Variants in AK3 observed in about 807,000 individuals in gnomAD.
AK3 encodes GTP:AMP phosphotransferase AK3, mitochondrial.
AK3 carries 27 observed loss-of-function variants against 23.7 expected under a neutral mutation model. That is an observed-to-expected ratio of 1.14 (90% CI 0.84 to 1.57). AK3 has a LOEUF of 1.57. Ranked by LOEUF, AK3 falls within the 40% of genes most tolerant of loss-of-function variation. The probability of loss-of-function intolerance (pLI) is 0.00; values close to 1 mark genes in which losing one functional copy is unlikely to be tolerated. For missense variants in AK3, 406 were observed against 285.6 expected, an observed-to-expected ratio of 1.42 and a Z score of -3.04; for synonymous variants, 159 against 116.0, an observed-to-expected ratio of 1.37 and a Z score of -2.38.
intron 1 of AK3, among the ~76,000 whole-genome samples, chr9:4,730,406 A>G (rs1446034926): frequency 6.6e-5 from 10 of 151,474 alleles, no homozygotes; most frequent in Admixed American, 6.6e-4. Flanking sequence ...AAAAAAAATA[A>G]AAAAACCACT....
At chr9:4,738,286 C>G (rs1369476972) in intron 1 of AK3, among the ~76,000 whole-genome samples, 1 of 152,154 alleles carries the variant, frequency 6.6e-6, no homozygotes, top group East Asian at 1.9e-4. Context: ...CTGCCTCAGC[C>G]TCCCAAGTAG....
At chr9:4,723,046 G>C (rs1174291164) in intron 1 of AK3, among the ~76,000 whole-genome samples, 1 of 150,294 alleles carries the variant, frequency 6.7e-6, no homozygotes, top group Non-Finnish European at 1.5e-5. Flanking sequence ...ACTTCAGCCT[G>C]GGCAACAGAG....
intron 2 of AK3, among the ~76,000 whole-genome samples, chr9:4,720,904 G>C (rs1388119931): frequency 6.6e-6 from 1 of 152,136 alleles, no homozygotes. Flanking sequence ...TTCCTGGGCA[G>C]CATCACCAGC....
rs530946941 is a variant in AK3 at position 4,709,762 on chromosome 9, T to C, written c.*3214A>G. On this transcript the variant is annotated 3_prime_UTR_variant, in exon 5 of 5. Transcript: ENST00000381809. ...CCATAACTTCCAAGATGAAAATCTTTAACTGCAAAGATAGAAAAGCTATTT... is the reference window on the plus strand; with the variant it reads ...CCATAACTTCCAAGATGAAAATCTTCAACTGCAAAGATAGAAAAGCTATTT... 2.6e-5 allele frequency: 4 copies of C among 152,376 alleles called. No individual in the cohort carries two copies. Among genetic ancestry groups the C allele is most frequent in the Non-Finnish European group, 5.9e-5 (4 of 68,040 alleles). 9.4% of individuals were successfully genotyped at this position (152,376 alleles called of 1,614,324 possible).
chr9:4,714,973 C>T (rs1219736049), intron 4 of AK3, among the ~76,000 whole-genome samples: 1 of 152,078 alleles, frequency 6.6e-6, no homozygotes, highest in African/African-American at 2.4e-5. Flanking sequence ...AATCCCAGCA[C>T]TTTGGGAGGC....
chr9:4,726,268 G>A (rs978472270), intron 1 of AK3, among the ~76,000 whole-genome samples: 1 of 152,090 alleles, frequency 6.6e-6, no homozygotes, highest in Non-Finnish European at 1.5e-5. Flanking sequence ...AGTAAAGTCT[G>A]TCTCATCAAC....
rs571579625 is a variant in AK3, at chr9:4,724,169, G to C, written c.152-1544C>G. Among the ~76,000 whole-genome samples, 52 of 152,202 alleles carry C rather than the reference G, an allele frequency of 3.4e-4. 1 individual carries two copies. Among genetic ancestry groups the C allele is most frequent in the African/African-American group, 1.2e-3 (51 of 41,484 alleles). ...GGAGAGCTCAGGACTCACTAAAACA[G>C]CCTTATACTTAATGTGTGAACTTCT... On this transcript the variant is annotated intron_variant, in intron 1 of 4. Transcript: ENST00000381809.
At chr9:4,713,982 A>ATACACG (rs1563780952) in intron 4 of AK3, among the ~76,000 whole-genome samples, 40 of 5,320 alleles carry the variant, frequency 7.5e-3, no homozygotes, top group East Asian at 0.015. Flanking sequence ...ACATTTACAC[A>ATACACG]CCTACACATA....
Position 4,741,040 on chromosome 9 carries a change from C to G in AK3, c.48G>C (p.Pro16=), listed in dbSNP as rs1009236632. 5.1e-6 allele frequency: 8 copies of G among 1,576,884 alleles called. No individual in the cohort carries two copies. The highest frequency in any genetic ancestry group is 1.2e-5 in the South Asian group (1 of 85,942). The change falls in exon 1 of 5, where the codon CCG becomes CCC. Residue 16 remains proline (P), a synonymous_variant. Transcript: ENST00000381809. ...ACGACACGGTGCCCTTGCCCGAGCC[C>G]GGGGCCCCCATGATCACCGCTCGCA... is the stretch of plus-strand genomic sequence containing the variant. ...RLLRAVIMGA[P]GSGKGTVSSR...
At chr9:4,713,842 C>T (rs938400395) in intron 4 of AK3, among the ~76,000 whole-genome samples, 1 of 75,352 alleles carries the variant, frequency 1.3e-5, no homozygotes, top group African/African-American at 4.4e-5. Flanking sequence ...ACACAGATTC[C>T]CTCCAAAGAT....
At position 4,712,657 on chromosome 9, in the gene AK3, C is replaced by G. The variant is rs1412480944; in HGVS notation, c.*319G>C. 6.0e-6 allele frequency: 1 copy of G among 166,970 alleles called. No homozygotes were observed. The highest frequency in any genetic ancestry group is 2.4e-5 in the African/African-American group (1 of 41,954). The allele number at this position is 166,970 out of a possible 1,614,324, so 10.3% of individuals were successfully genotyped here. ...CAGAAAAATATGGAAACTTTATCAA[C>G]CACTTATTAACTGAACAAAAAGTTA... On this transcript the variant is annotated 3_prime_UTR_variant, in exon 5 of 5. Transcript: ENST00000381809.
rs185024303 is a variant in AK3, at chr9:4,737,855, C to T, written c.151+3082G>A. Among the ~76,000 whole-genome samples the T allele has an allele frequency of 8.5e-5, 13 of 152,326 alleles. No homozygotes were observed. In the East Asian group the frequency reaches 2.5e-3, roughly 29 times the overall value. ...ACTGTCAATGAGTTGCCTAAAGTTT[C>T]CAGTGTCCTTATCATATCTCCTGTG... On this transcript the variant is annotated intron_variant, in intron 1 of 4. Transcript: ENST00000381809.
At chr9:4,729,015 A>ATATATATATATTTTTTTTT in intron 1 of AK3, among the ~76,000 whole-genome samples, 1 of 129,450 alleles carries the variant, frequency 7.7e-6, no homozygotes, top group Non-Finnish European at 1.6e-5. Flanking sequence ...ATATATATAT[A>ATATATATATATTTTTTTTT]TTTTTTTTTT....
intron 1 of AK3, among the ~76,000 whole-genome samples, chr9:4,729,074 A>C (rs1842093969): frequency 6.8e-6 from 1 of 146,664 alleles, no homozygotes; most frequent in Non-Finnish European, 1.5e-5. Context: ...GCAATGGCGC[A>C]ATCTTGGCTC....
At chr9:4,731,688 T>G (rs1842157983) in intron 1 of AK3, among the ~76,000 whole-genome samples, 1 of 152,212 alleles carries the variant, frequency 6.6e-6, no homozygotes, top group Non-Finnish European at 1.5e-5. Flanking sequence ...ACCAGCATGT[T>G]CTCTGGAGAT....
intron 1 of AK3, among the ~76,000 whole-genome samples, chr9:4,725,964 T>G (rs1842015095): frequency 1.3e-5 from 2 of 152,002 alleles, no homozygotes; most frequent in Non-Finnish European, 2.9e-5. Context: ...CACAATAAAG[T>G]GAATATGTGA....
At chr9:4,741,509 T>A (rs990557332), upstream of AK3, among the ~76,000 whole-genome samples, 4 of 139,420 alleles carry the variant, frequency 2.9e-5, no homozygotes, top group African/African-American at 1.2e-4. Flanking sequence ...CCTCCGCGCC[T>A]CTCCGCGACC....
chr9:4,740,976 T>G lies in AK3; in HGVS notation c.112A>C (p.Ser38Arg). 1.3e-6 allele frequency: 2 copies of G among 1,588,312 alleles called. No individual in the cohort carries two copies. Residue 38 changes from serine to arginine, a missense_variant, in exon 1 of 5, where the codon AGC (serine) becomes CGC (arginine). By Grantham distance (110) the Ser-to-Arg change is moderately radical (BLOSUM62 -1). Transcript: ENST00000381809. ...TTHFELKHLS[S>R]GDLLRDNMLR... ...ATGTTGTCCCGGAGCAGGTCCCCGC[T>G]GGAGAGGTGCTTCAGCTCGAAGTGT...
At chr9:4,714,907 G>T (rs965167659) in intron 4 of AK3, among the ~76,000 whole-genome samples, 1 of 152,116 alleles carries the variant, frequency 6.6e-6, no homozygotes, top group African/African-American at 2.4e-5. Context: ...AGTTCTACGT[G>T]TGGGAGCTGA....
Sources: gnomAD v4.1 joint callset for allele counts (sites outside exome capture counted in the v4.1 genomes callset) on GRCh38, gnomAD v4.1.1 for gene constraint, MANE v1.5 for transcripts, NCBI Gene and HGNC (gene_info 2026-07-23, HGNC 2026-07-21) for gene names.